Variants in DDX1 observed in about 807,000 individuals in gnomAD.
DDX1 encodes DEAD-box helicase 1, also known as ATP-dependent RNA helicase DDX1.
Under a neutral mutation model 108.7 loss-of-function variants are expected in DDX1, and 28 were observed. The ratio of observed to expected loss-of-function variants is 0.26; its 90% confidence interval spans 0.19 to 0.35. DDX1 has a LOEUF of 0.35. Among genes scored for constraint, DDX1 ranks in the 10% least tolerant of loss-of-function variants. DDX1 has a pLI of 1.00. For missense variants in DDX1, 710 were observed against 884.5 expected, an observed-to-expected ratio of 0.80 and a Z score of 2.50; for synonymous variants, 295 against 288.9, an observed-to-expected ratio of 1.02 and a Z score of -0.21.
intron 3 of DDX1, 65 bp downstream of exon 3, chr2:15,595,618 C>T (rs984066715): frequency 1.9e-5 from 20 of 1,076,310 alleles, no homozygotes; most frequent in Admixed American, 5.1e-5. Context: ...CATAGGCTTA[C>T]AAATGCTACT....
chr2:15,619,483 G>A (rs1438171999), intron 16 of DDX1, among the ~76,000 whole-genome samples: 3 of 152,196 alleles, frequency 2.0e-5, no homozygotes, highest in Admixed American at 6.5e-5. Flanking sequence ...TCTTGCTGCC[G>A]CTGCTCATGT....
chr2:15,601,052 T>A (rs1039703023), intron 6 of DDX1, among the ~76,000 whole-genome samples: 1 of 152,030 alleles, frequency 6.6e-6, no homozygotes, highest in African/African-American at 2.4e-5. Context: ...CACAGTTCTG[T>A]GAGCCAAGGC....
chr2:15,618,989 T>C (rs1367735835), intron 16 of DDX1, among the ~76,000 whole-genome samples: 1 of 152,160 alleles, frequency 6.6e-6, no homozygotes, highest in African/African-American at 2.4e-5. Context: ...TCTCCGAACC[T>C]GTGGGGGCAA....
intron 19 of DDX1, among the ~76,000 whole-genome samples, chr2:15,626,256 C>G (rs573095440): frequency 1.5e-3 from 234 of 152,198 alleles, no homozygotes; most frequent in African/African-American, 5.4e-3. Flanking sequence ...CACTTGAATG[C>G]AGGATGCAAT....
chr2:15,612,567 C>T (rs930710652), intron 13 of DDX1, among the ~76,000 whole-genome samples: 10 of 151,426 alleles, frequency 6.6e-5, no homozygotes, highest in Non-Finnish European at 1.2e-4. Context: ...AGATGATGGG[C>T]GGCCAGGCAG....
intron 15 of DDX1, 66 bp from the exon 16 acceptor site, chr2:15,618,115 T>C (rs927468596): frequency 2.2e-6 from 2 of 900,834 alleles, no homozygotes; most frequent in African/African-American, 3.3e-5. Flanking sequence ...TTTTTGATAC[T>C]GATTAAAACT....
chr2:15,619,850 T>C (rs1318204215), intron 16 of DDX1, among the ~76,000 whole-genome samples: 3 of 152,248 alleles, frequency 2.0e-5, no homozygotes, highest in Admixed American at 1.3e-4. Context: ...GAAAAATTGT[T>C]GTCTTCTCTG....
At position 15,617,314 on chromosome 2, in the gene DDX1, A is replaced by G. The variant is rs1388026965; in HGVS notation, c.1088A>G (p.Gln363Arg). The G allele has an allele frequency of 6.3e-7, 1 of 1,597,076 alleles. No homozygotes were observed. Among genetic ancestry groups the G allele is most frequent in the Non-Finnish European group, 8.6e-7 (1 of 1,169,516 alleles). Residue 363 changes from glutamine to arginine, a missense_variant, in exon 15 of 26, where the codon CAA becomes CGA. Coordinates refer to ENST00000233084, the MANE Select transcript of DDX1 (RefSeq NM_004939.3). ...LVSTGKLNLS[Q>R]VRFLVLDEAD... is the part of the protein sequence containing the mutation. ...TCAACTGGAAAGCTGAACTTATCTC[A>G]AGTTAGATTCCTGGTCCTGGATGAA...
At chr2:15,613,121 C>A in intron 13 of DDX1, 103 bp from the exon 14 acceptor site, 1 of 790,322 alleles carries the variant, frequency 1.3e-6, no homozygotes, top group Non-Finnish European at 1.9e-6. Context: ...CAATTACTTT[C>A]TCAACCTTAA....
intron 3 of DDX1, 98 bp from the exon 4 acceptor site, chr2:15,596,636 C>T (rs1217723135): frequency 2.9e-6 from 3 of 1,021,420 alleles, no homozygotes; most frequent in Non-Finnish European, 4.5e-6. Flanking sequence ...ATAAAGGTAG[C>T]CAGTCAAATG....
At chr2:15,601,812 T>C (rs913782670) in intron 6 of DDX1, among the ~76,000 whole-genome samples, 2 of 152,226 alleles carry the variant, frequency 1.3e-5, no homozygotes, top group African/African-American at 4.8e-5. Context: ...AAGTACAGAA[T>C]ACGAGTTGGA....
rs764257081 is a variant in DDX1 at position 15,630,907 on chromosome 2, T to G, written c.*1T>G. The G allele has an allele frequency of 6.2e-7, 1 of 1,613,518 alleles. No homozygotes were observed. Among genetic ancestry groups the G allele is most frequent in the African/African-American group, 1.3e-5 (1 of 74,938 alleles). On this transcript the variant is annotated 3_prime_UTR_variant, in exon 26 of 26. Coordinates refer to ENST00000233084, the MANE Select transcript of DDX1 (RefSeq NM_004939.3). ...TAACCAGCTGTTCAGAACCTTCTGA[T>G]TTTTACATTTACTGAATAAGATTTG...
At position 15,618,284 on chromosome 2, in the gene DDX1, C is replaced by G; in HGVS notation, c.1206+14C>G. 7.6e-7 allele frequency: 1 copy of G among 1,318,330 alleles called. No individual in the cohort carries two copies. The highest frequency in any genetic ancestry group is 1.1e-6 in the Non-Finnish European group (1 of 919,822). The allele number at this position is 1,318,330 out of a possible 1,614,324, so 81.7% of individuals were successfully genotyped here. A position where few individuals can be genotyped will look rare whatever the true frequency, so the allele number is the denominator to read the frequency against. On this transcript the variant is annotated intron_variant, in intron 16 of 25. Transcript: ENST00000233084. ...AAAAGACTTCAGGTATAAAATTTAT[C>G]AATGCATCTTAAAATGCATGTAAAC...
At chr2:15,618,053 A>G (rs1407854526) in intron 15 of DDX1, 128 bp from the exon 16 acceptor site, 5 of 511,130 alleles carry the variant, frequency 9.8e-6, no homozygotes, top group Admixed American at 2.9e-5. Flanking sequence ...ATATAGGACT[A>G]TGTATATGCA....
chr2:15,618,800 G>A (rs1665942620), intron 16 of DDX1, among the ~76,000 whole-genome samples: 2 of 152,234 alleles, frequency 1.3e-5, no homozygotes, highest in South Asian at 2.1e-4. Context: ...TTCCGTGTTC[G>A]CTGGCGCCCA....
intron 14 of DDX1, among the ~76,000 whole-genome samples, chr2:15,616,513 A>G (rs1350605895): frequency 6.6e-6 from 1 of 152,232 alleles, no homozygotes; most frequent in Non-Finnish European, 1.5e-5. Context: ...TTGTACTGGC[A>G]CCGAGGCTCA....
chr2:15,595,651 A>C, intron 3 of DDX1, 98 bp downstream of exon 3: 1 of 867,214 alleles, frequency 1.2e-6, no homozygotes, highest in South Asian at 1.4e-5. Flanking sequence ...ACAAACATTT[A>C]TGATACATAT....
At chr2:15,615,109 T>G (rs1156767307) in intron 14 of DDX1, among the ~76,000 whole-genome samples, 1 of 152,244 alleles carries the variant, frequency 6.6e-6, no homozygotes, top group Non-Finnish European at 1.5e-5. Context: ...CATTCTCTGC[T>G]TCTGTTATCT....
In DDX1 at chr2:15,621,092, A is replaced by C; in HGVS notation, c.1423A>C (p.Thr475Pro). 1.9e-6 allele frequency: 3 copies of C among 1,611,212 alleles called. No homozygotes were observed. Among genetic ancestry groups the C allele is most frequent in the East Asian group, 4.5e-5 (2 of 44,794 alleles). ...RTDDVHAKDNTRPGANSPEMW... is the reference protein window; with the variant it reads ...RTDDVHAKDNPRPGANSPEMW... ...TGATGATGTACATGCAAAAGATAAC[A>C]CAAGACCTGGTGCTAATAGTCCAGG... Residue 475 changes from threonine (T) to proline (P), a missense_variant, in exon 18 of 26, where the codon ACA becomes CCA. By Grantham distance (38) the Thr-to-Pro change is conservative. Coordinates refer to ENST00000233084, the MANE Select transcript of DDX1 (RefSeq NM_004939.3).
Sources: gnomAD v4.1 joint callset for allele counts (sites outside exome capture counted in the v4.1 genomes callset) on GRCh38, gnomAD v4.1.1 for gene constraint, MANE v1.5 for transcripts, NCBI Gene and HGNC (gene_info 2026-07-23, HGNC 2026-07-21) for gene names.